The following GBE1 variants were observed in gnomAD, a reference collection of about 807,000 sequenced individuals.
The protein encoded by GBE1 is 1,4-alpha-glucan-branching enzyme.
In GBE1, 70 loss-of-function variants were observed where a neutral mutation model predicts 88.8. The observed-to-expected ratio is 0.79, with a 90% CI of 0.65 to 0.96. GBE1 has a LOEUF of 0.96. Among genes scored for constraint, GBE1 ranks in the 40% least tolerant of loss-of-function variants. GBE1 has a pLI of 0.00. For missense variants in GBE1, 872 were observed against 871.0 expected (o/e 1.00, Z -0.01); for synonymous variants, 284 against 300.1 (o/e 0.95, Z 0.56).
At chr3:81,591,526 T>G (rs1215537570) in intron 8 of GBE1, among the ~76,000 whole-genome samples, 2 of 152,144 alleles carry the variant, frequency 1.3e-5, no homozygotes, top group African/African-American at 2.4e-5. Context: ...AATGTTAGTT[T>G]GTATTAGATC....
intron 7 of GBE1, among the ~76,000 whole-genome samples, chr3:81,629,285 T>G (rs926243761): frequency 6.7e-6 from 1 of 148,730 alleles, no homozygotes; most frequent in Non-Finnish European, 1.5e-5. Context: ...GGTGTTTGGT[T>G]TTTTGTTCTT....
At chr3:81,655,608 C>T (rs1481210052) in intron 3 of GBE1, among the ~76,000 whole-genome samples, 18 of 152,080 alleles carry the variant, frequency 1.2e-4, no homozygotes, top group Non-Finnish European at 2.6e-4. Context: ...CCTCCACCTC[C>T]CAGGTTCAAG....
intron 1 of GBE1, among the ~76,000 whole-genome samples, chr3:81,760,198 C>T (rs1293820517): frequency 6.6e-6 from 1 of 152,156 alleles, no homozygotes; most frequent in Non-Finnish European, 1.5e-5. Context: ...TTTACAGAGG[C>T]CTCATTCACT....
At chr3:81,525,322 C>T (rs1268062917) in intron 14 of GBE1, among the ~76,000 whole-genome samples, 5 of 152,048 alleles carry the variant, frequency 3.3e-5, no homozygotes, top group East Asian at 1.9e-4. Context: ...TGTTTATATG[C>T]TGGATTACAT....
At position 81,602,400 on chromosome 3, in the gene GBE1, T is replaced by C. The variant is rs1704045361; in HGVS notation, c.993-8377A>G. Among the ~76,000 whole-genome samples, 2 of 152,142 alleles carry C rather than the reference T, an allele frequency of 1.3e-5. 1 individual carries two copies. The highest frequency in any genetic ancestry group is 4.1e-4 in the South Asian group (2 of 4,826). ...TCTTAGTTTAAGCTCCTATATCAAA[T>C]TGCCATAGACAGAGTAGGTTATAAA... On this transcript the variant is annotated intron_variant, in intron 7 of 15. Transcript: ENST00000429644.
chr3:81,629,873 C>A (rs574993992), intron 7 of GBE1, among the ~76,000 whole-genome samples: 2 of 150,224 alleles, frequency 1.3e-5, no homozygotes, highest in Admixed American at 6.7e-5. Context: ...CGCCTCCCCC[C>A]ACCCCACAAC....
intron 12 of GBE1, among the ~76,000 whole-genome samples, chr3:81,562,875 T>C (rs1216148037): frequency 1.3e-5 from 2 of 151,964 alleles, no homozygotes; most frequent in African/African-American, 4.8e-5. Flanking sequence ...TCTTTTTTTT[T>C]TTTAATGGGA....
At chr3:81,707,449 T>C (rs1321419990) in intron 1 of GBE1, among the ~76,000 whole-genome samples, 1 of 151,944 alleles carries the variant, frequency 6.6e-6, no homozygotes, top group East Asian at 1.9e-4. Flanking sequence ...TAAATGGCAA[T>C]TAAAAATTAA....
chr3:81,729,951 C>A (rs1706162864), intron 1 of GBE1, among the ~76,000 whole-genome samples: 1 of 152,146 alleles, frequency 6.6e-6, no homozygotes, highest in African/African-American at 2.4e-5. Flanking sequence ...CAGGCTGATA[C>A]CACTGGATAC....
intron 2 of GBE1, among the ~76,000 whole-genome samples, chr3:81,702,447 A>G (rs1705713290): frequency 1.3e-5 from 2 of 151,970 alleles, no homozygotes. Context: ...TTTCTTCTAA[A>G]AAAAGAAAAT....
At chr3:81,522,549 C>CA (rs1233834323) in intron 14 of GBE1, among the ~76,000 whole-genome samples, 1 of 151,280 alleles carries the variant, frequency 6.6e-6, no homozygotes, top group Admixed American at 6.6e-5. Flanking sequence ...CTGCCCCCCC[C>CA]AAATTTAAAA....
intron 1 of GBE1, among the ~76,000 whole-genome samples, chr3:81,759,174 C>T (rs1038505453): frequency 1.3e-5 from 2 of 152,082 alleles, no homozygotes; most frequent in African/African-American, 2.4e-5. Flanking sequence ...AGCATGAAAA[C>T]GGACTAATAC....
At chr3:81,598,965 C>A (rs1021577458) in intron 7 of GBE1, among the ~76,000 whole-genome samples, 1 of 152,020 alleles carries the variant, frequency 6.6e-6, no homozygotes, top group African/African-American at 2.4e-5. Context: ...ATCCACTGAG[C>A]TCCAGTTATC....
chr3:81,664,515 G>A (rs577107883), intron 3 of GBE1, among the ~76,000 whole-genome samples: 9 of 150,494 alleles, frequency 6.0e-5, no homozygotes, highest in African/African-American at 2.2e-4. Flanking sequence ...AGAGCAGCTG[G>A]GCCTAAAACG....
intron 2 of GBE1, among the ~76,000 whole-genome samples, chr3:81,680,705 A>C (rs1441019466): frequency 6.6e-6 from 1 of 152,156 alleles, no homozygotes; most frequent in African/African-American, 2.4e-5. Context: ...CAAATGTGGT[A>C]ATATTTGGAG....
chr3:81,647,944 A>C (rs1374099959), intron 5 of GBE1, among the ~76,000 whole-genome samples: 2 of 152,164 alleles, frequency 1.3e-5, no homozygotes, highest in Admixed American at 1.3e-4. Flanking sequence ...TTCTGCAAGA[A>C]CTGGGTCATA....
intron 9 of GBE1, among the ~76,000 whole-genome samples, chr3:81,588,848 T>G (rs189584343): frequency 6.6e-6 from 1 of 152,114 alleles, no homozygotes; most frequent in Non-Finnish European, 1.5e-5. Flanking sequence ...ATAATCATTG[T>G]CTCCGTGATT....
chr3:81,672,503 CAGA>C (rs1250032324), intron 2 of GBE1, among the ~76,000 whole-genome samples: 1 of 151,790 alleles, frequency 6.6e-6, no homozygotes, highest in Admixed American at 6.6e-5. Context: ...TAAAAGAGTA[CAGA>C]AGAATAGCAT....
intron 15 of GBE1, among the ~76,000 whole-genome samples, chr3:81,491,735 A>T (rs1286285764): frequency 6.6e-6 from 1 of 152,140 alleles, no homozygotes; most frequent in African/African-American, 2.4e-5. Flanking sequence ...AAAAAAAAAA[A>T]GCTTTCAGAG....
Sources: allele counts gnomAD v4.1 joint callset (sites outside exome capture counted in the v4.1 genomes callset), GRCh38; gene constraint gnomAD v4.1.1; transcripts MANE v1.5; gene names NCBI Gene and HGNC (gene_info 2026-07-23, HGNC 2026-07-21).